VPS13B: variants seen among roughly 807,000 people sequenced by gnomAD.
VPS13B encodes the protein intermembrane lipid transfer protein VPS13B.
A neutral mutation model predicts 426.4 loss-of-function variants in VPS13B; 285 were observed. That is an observed-to-expected ratio of 0.67 (90% confidence interval 0.61 to 0.74). The LOEUF (loss-of-function observed/expected upper bound fraction) is 0.74, where lower values mean the gene tolerates loss of function less well. VPS13B is among the 30% of genes least tolerant of loss of function. VPS13B has a pLI of 0.00. For missense variants in VPS13B, 4,537 were observed against 4,782.6 expected, an observed-to-expected ratio of 0.95 and a Z score of 1.51; for synonymous variants, 1,676 against 1,676.4, an observed-to-expected ratio of 1.00 and a Z score of 0.01.
chr8:99,216,974 A>G (rs929084769), intron 17 of VPS13B, among the ~76,000 whole-genome samples: 3 of 152,138 alleles, frequency 2.0e-5, no homozygotes, highest in African/African-American at 2.4e-5. Context: ...GCTATTATCA[A>G]GAAGAAAGTA....
intron 35 of VPS13B, chr8:99,695,863 C>T (rs1831963174): frequency 6.6e-6 from 1 of 152,118 alleles, no homozygotes; most frequent in African/African-American, 2.4e-5. Flanking sequence ...GGGCCCTGCT[C>T]ATGAAGATGT....
intron 23 of VPS13B, among the ~76,000 whole-genome samples, chr8:99,457,127 G>A (rs895027105): frequency 2.6e-5 from 4 of 151,520 alleles, no homozygotes; most frequent in Non-Finnish European, 5.9e-5. Context: ...TGCCTCCCGG[G>A]TTCAAGCCAT....
chr8:99,482,579 A>C (rs1160766319), intron 25 of VPS13B, among the ~76,000 whole-genome samples: 4 of 152,190 alleles, frequency 2.6e-5, no homozygotes, highest in Non-Finnish European at 4.4e-5. Context: ...GTCTGTATTT[A>C]GTACCACAAG....
chr8:99,697,597 TGG>T (rs1832086450), intron 35 of VPS13B: 1 of 654,530 alleles, frequency 1.5e-6, no homozygotes, highest in African/African-American at 1.8e-5. Context: ...TCTCAAAGAC[TGG>T]TAGGTGAAGA....
intron 17 of VPS13B, among the ~76,000 whole-genome samples, chr8:99,202,363 G>T (rs1307423935): frequency 6.6e-6 from 1 of 152,148 alleles, no homozygotes; most frequent in Non-Finnish European, 1.5e-5. Context: ...AATGTATGAT[G>T]AATAAATATT....
intron 61 of VPS13B, chr8:99,875,200 C>T (rs1817639171): frequency 1.5e-6 from 1 of 646,246 alleles, no homozygotes; most frequent in Non-Finnish European, 2.7e-6. Context: ...TCTAAGGAGG[C>T]TGTCCTAAGT....
chr8:99,301,214 C>CA (rs1229658716), intron 19 of VPS13B, among the ~76,000 whole-genome samples: 7 of 148,482 alleles, frequency 4.7e-5, no homozygotes, highest in Admixed American at 6.7e-5. Flanking sequence ...GACCTTGTTT[C>CA]AAAAAAAAAA....
chr8:99,270,339 A>G lies in VPS13B; in HGVS notation c.2516-3859A>G, dbSNP rs1251989187. Among the ~76,000 whole-genome samples, 5 of 151,334 alleles carry G rather than the reference A, an allele frequency of 3.3e-5. No homozygotes were observed. The East Asian group carries it at 9.7e-4, about 29-fold the overall frequency. The stretch of plus-strand genomic sequence containing the variant: ...CTTTTAGTATAGATGTGGTTTCTCC[A>G]CATTGGCCAGGCTGGTCTTAAACTC... On this transcript the variant is annotated intron_variant, in intron 17 of 61. Transcript: ENST00000357162.
intron 50 of VPS13B, among the ~76,000 whole-genome samples, chr8:99,823,472 C>T (rs1814497175): frequency 6.6e-6 from 1 of 152,046 alleles, no homozygotes; most frequent in South Asian, 2.1e-4. Flanking sequence ...AGGAGTGAGG[C>T]TGGGTGGAAT....
chr8:99,625,931 A>G (rs1828594300), intron 33 of VPS13B, among the ~76,000 whole-genome samples: 2 of 152,252 alleles, frequency 1.3e-5, no homozygotes, highest in African/African-American at 4.8e-5. Flanking sequence ...AGACTACAGT[A>G]CTAAAATCTG....
chr8:99,616,060 C>T (rs982046037), intron 33 of VPS13B, among the ~76,000 whole-genome samples: 2 of 151,880 alleles, frequency 1.3e-5, no homozygotes, highest in Non-Finnish European at 2.9e-5. Flanking sequence ...GGAGAAGGCC[C>T]CAGGAATTTG....
intron 35 of VPS13B, among the ~76,000 whole-genome samples, chr8:99,694,729 G>A (rs978631397): frequency 3.3e-5 from 5 of 151,608 alleles, no homozygotes; most frequent in Middle Eastern, 3.4e-3. Context: ...CTTCTGCACA[G>A]CAAAAGAAAC....
intron 52 of VPS13B, among the ~76,000 whole-genome samples, 191 bp from the exon 53 acceptor site, chr8:99,835,006 T>C (rs1472809161): frequency 6.6e-6 from 1 of 152,262 alleles, no homozygotes; most frequent in Non-Finnish European, 1.5e-5. Context: ...TTTGTTTGCC[T>C]TTAAATATTT....
At chr8:99,028,979 G>C (rs1842336295) in intron 2 of VPS13B, among the ~76,000 whole-genome samples, 1 of 150,064 alleles carries the variant, frequency 6.7e-6, no homozygotes, top group East Asian at 2.0e-4. Flanking sequence ...TCACTTCTCA[G>C]ACGGGGCGGC....
chr8:99,555,044 C>T (rs1413439607), intron 30 of VPS13B, among the ~76,000 whole-genome samples: 1 of 152,076 alleles, frequency 6.6e-6, no homozygotes, highest in East Asian at 1.9e-4. Context: ...GGCTTGTTGA[C>T]CAGTGGCTGT....
In VPS13B at chr8:99,832,566, C is replaced by G. The variant is rs771505935; in HGVS notation, c.9528C>G (p.Ser3176Arg). Residue 3176 changes from serine to arginine, a missense_variant, in exon 52 of 62, where the codon AGC becomes AGG. Coordinates refer to ENST00000357162, the MANE Select transcript of VPS13B (RefSeq NM_152564.5). ...GTGCTGACAGCTCACAGTGCTGGAG[C>G]CTGCCAGCTATAGTTAGACCAGAGT... is the stretch of plus-strand genomic sequence containing the variant. ...APGADSSQCWSLPAIVRPEFP... is the reference protein window; with the variant it reads ...APGADSSQCWRLPAIVRPEFP... 1.2e-6 allele frequency: 2 copies of G among 1,613,792 alleles called. No homozygotes were observed. Among genetic ancestry groups the G allele is most frequent in the Non-Finnish European group, 1.7e-6 (2 of 1,179,958 alleles).
chr8:99,044,414 T>TTG (rs111537008), intron 3 of VPS13B, among the ~76,000 whole-genome samples: 115,003 of 148,488 alleles, frequency 0.77, 44,385 homozygotes, highest in Non-Finnish European at 0.81. Flanking sequence ...AAGTCAATGT[T>TTG]TGTGTGTGTG....
In VPS13B at chr8:99,861,532, G is replaced by C. The variant is rs900351775; in HGVS notation, c.11045-244G>C. Among the ~76,000 whole-genome samples the C allele has an allele frequency of 7.9e-5, 12 of 152,290 alleles. No individual in the cohort carries two copies. In the South Asian group the frequency reaches 8.3e-4, roughly 11 times the overall value. ...GCCCAGGCTGGTCTCGAACTGCTAGGCTCAAGCAATCCTCCTGCGCTGGCC... is the reference window on the plus strand; with the variant it reads ...GCCCAGGCTGGTCTCGAACTGCTAGCCTCAAGCAATCCTCCTGCGCTGGCC... On this transcript the variant is annotated intron_variant, in intron 57 of 61. Coordinates refer to ENST00000357162, the MANE Select transcript of VPS13B (RefSeq NM_152564.5).
At chr8:99,310,771 C>T (rs964922119) in intron 19 of VPS13B, among the ~76,000 whole-genome samples, 9 of 152,216 alleles carry the variant, frequency 5.9e-5, no homozygotes, top group African/African-American at 1.7e-4. Flanking sequence ...GGTACCAGCT[C>T]CTCCTTGTAC....
Sources: allele counts gnomAD v4.1 joint callset (sites outside exome capture counted in the v4.1 genomes callset), GRCh38; gene constraint gnomAD v4.1.1; transcripts MANE v1.5; gene names NCBI Gene and HGNC (gene_info 2026-07-23, HGNC 2026-07-21).